INPP4B: variants seen among roughly 807,000 people sequenced by gnomAD.
The protein encoded by INPP4B is inositol polyphosphate 4-phosphatase type II.
Under a neutral mutation model 122.5 loss-of-function variants are expected in INPP4B, and 55 were observed. That is an observed-to-expected ratio of 0.45 (90% CI 0.36 to 0.56). INPP4B has a LOEUF of 0.56. INPP4B is among the 20% of genes least tolerant of loss of function. The pLI is 0.00. For missense variants in INPP4B, 1,000 were observed against 1,097.7 expected, an observed-to-expected ratio of 0.91 and a Z score of 1.26; for synonymous variants, 403 against 388.7, an observed-to-expected ratio of 1.04 and a Z score of -0.43.
At chr4:142,265,181 T>C (rs529214280) in intron 10 of INPP4B, among the ~76,000 whole-genome samples, 3 of 152,188 alleles carry the variant, frequency 2.0e-5, no homozygotes, top group Non-Finnish European at 2.9e-5. Context: ...GTTTAAGCCA[T>C]ACAGTTTATG....
intron 5 of INPP4B, among the ~76,000 whole-genome samples, chr4:142,417,916 T>C (rs1806108334): frequency 6.6e-6 from 1 of 152,156 alleles, no homozygotes; most frequent in Admixed American, 6.6e-5. Context: ...TTCAGTTGTC[T>C]GTTCTTGTTG....
chr4:142,682,633 G>C (rs770043905), intron 2 of INPP4B, among the ~76,000 whole-genome samples: 3 of 151,832 alleles, frequency 2.0e-5, no homozygotes, highest in Non-Finnish European at 4.4e-5. Context: ...TGCATGAAAG[G>C]TTTTCTCTAT....
At chr4:142,175,923 C>A (rs1318843213) in intron 15 of INPP4B, among the ~76,000 whole-genome samples, 1 of 152,026 alleles carries the variant, frequency 6.6e-6, no homozygotes, top group Non-Finnish European at 1.5e-5. Context: ...GACCTACTTA[C>A]AGACCCAATG....
chr4:142,502,583 G>A (rs748019915), intron 2 of INPP4B, among the ~76,000 whole-genome samples: 1 of 151,992 alleles, frequency 6.6e-6, no homozygotes, highest in Non-Finnish European at 1.5e-5. Context: ...CCATCTCCTG[G>A]GTTCAAGAGA....
intron 9 of INPP4B, among the ~76,000 whole-genome samples, chr4:142,289,245 T>G (rs1469562611): frequency 2.0e-5 from 3 of 152,222 alleles, no homozygotes; most frequent in African/African-American, 7.2e-5. Context: ...TGACTGTAAT[T>G]TAAAATACTT....
intron 2 of INPP4B, among the ~76,000 whole-genome samples, chr4:142,494,414 CAA>C (rs1822267397): frequency 6.6e-6 from 1 of 151,852 alleles, no homozygotes; most frequent in Non-Finnish European, 1.5e-5. Flanking sequence ...TTAAATTTAC[CAA>C]GAGAGATTTA....
chr4:142,716,504 T>C (rs1275860066), intron 2 of INPP4B, among the ~76,000 whole-genome samples: 1 of 152,188 alleles, frequency 6.6e-6, no homozygotes, highest in East Asian at 1.9e-4. Context: ...AACAAAAAAT[T>C]ACTGGCTGCC....
chr4:142,609,384 G>C (rs1435400874), intron 2 of INPP4B, among the ~76,000 whole-genome samples: 1 of 151,822 alleles, frequency 6.6e-6, no homozygotes, highest in African/African-American at 2.4e-5. Context: ...GAGGTTTTAA[G>C]TATGTGATTC....
At chr4:142,356,573 T>C (rs1783681898) in intron 7 of INPP4B, among the ~76,000 whole-genome samples, 1 of 151,862 alleles carries the variant, frequency 6.6e-6, no homozygotes, top group Non-Finnish European at 1.5e-5. Flanking sequence ...GTTTCAGTTG[T>C]GAAGTAGTAC....
intron 2 of INPP4B, among the ~76,000 whole-genome samples, chr4:142,722,709 TGGGA>T (rs935906325): frequency 6.6e-6 from 1 of 152,190 alleles, no homozygotes; most frequent in Non-Finnish European, 1.5e-5. Context: ...AAATACTCAT[TGGGA>T]GCATACTGTG....
chr4:142,520,065 T>C lies in INPP4B; in HGVS notation c.-190-57339A>G, dbSNP rs114027549. ...AAACAATATTAAAGGTATTAAATTATATTACAATAAGATTTCAACTCTATA... is the reference window on the plus strand; with the variant it reads ...AAACAATATTAAAGGTATTAAATTACATTACAATAAGATTTCAACTCTATA... On this transcript the variant is annotated intron_variant, in intron 2 of 25. Coordinates refer to ENST00000262992, the MANE Select transcript of INPP4B (RefSeq NM_001101669.3). 6.7e-3 allele frequency among the ~76,000 whole-genome samples: 1,021 copies of C among 152,196 alleles called. 9 individuals are homozygous for C. The highest frequency in any genetic ancestry group is 0.023 in the African/African-American group (964 of 41,580).
intron 3 of INPP4B, among the ~76,000 whole-genome samples, chr4:142,431,587 T>G (rs943575326): frequency 6.6e-6 from 1 of 152,112 alleles, no homozygotes; most frequent in African/African-American, 2.4e-5. Context: ...TATTACATAG[T>G]CATATGAAAG....
At chr4:142,739,674 A>G (rs567458995) in intron 1 of INPP4B, among the ~76,000 whole-genome samples, 47 of 152,016 alleles carry the variant, frequency 3.1e-4, no homozygotes, top group Admixed American at 2.2e-3. Flanking sequence ...CCTAGAAAAG[A>G]CATCAATGAT....
intron 2 of INPP4B, among the ~76,000 whole-genome samples, chr4:142,666,316 G>A (rs551148341): frequency 1.3e-5 from 2 of 152,034 alleles, no homozygotes; most frequent in South Asian, 4.1e-4. Context: ...ATTTCATAAA[G>A]TTTTAAAAAC....
chr4:142,263,462 G>A (rs1741095306), intron 10 of INPP4B, among the ~76,000 whole-genome samples: 1 of 151,402 alleles, frequency 6.6e-6, no homozygotes, highest in Non-Finnish European at 1.5e-5. Flanking sequence ...TCTTCTATGA[G>A]ATAATTTTTA....
chr4:142,092,488 G>A (rs2322308), intron 23 of INPP4B, among the ~76,000 whole-genome samples: 37,980 of 151,694 alleles, frequency 0.25, 4,780 homozygotes, highest in East Asian at 0.3. Context: ...TGCGGGTTTC[G>A]CCATGTTGGC....
At chr4:142,378,536 AGGGAAGGCAGAAT>A (rs1415579345) in intron 7 of INPP4B, among the ~76,000 whole-genome samples, 1 of 152,178 alleles carries the variant, frequency 6.6e-6, no homozygotes, top group Non-Finnish European at 1.5e-5. Flanking sequence ...CATGTATGCT[AGGGAAGGCAGAAT>A]GGGAAGGCAA....
Position 142,604,446 on chromosome 4 carries a change from C to G in INPP4B, c.-191+121393G>C, listed in dbSNP as rs79442970. ...AAGAGGAAGTTAAATTTGTCTCTTTCCAGATGACATGATCTTATATTTAGA... is the reference window on the plus strand; with the variant it reads ...AAGAGGAAGTTAAATTTGTCTCTTTGCAGATGACATGATCTTATATTTAGA... On this transcript the variant is annotated intron_variant, in intron 2 of 25. Transcript: ENST00000262992. Among the ~76,000 whole-genome samples the G allele has an allele frequency of 8.2e-3, 1,254 of 152,050 alleles. 10 individuals are homozygous for G. Among genetic ancestry groups the G allele is most frequent in the Non-Finnish European group, 0.013 (907 of 67,924 alleles).
At chr4:142,777,133 G>A (rs1774043450) in intron 1 of INPP4B, among the ~76,000 whole-genome samples, 2 of 152,050 alleles carry the variant, frequency 1.3e-5, no homozygotes, top group African/African-American at 2.4e-5. Context: ...TACAACTATG[G>A]ACTTTTATAT....
Sources: gnomAD v4.1 joint callset for allele counts (sites outside exome capture counted in the v4.1 genomes callset) on GRCh38, gnomAD v4.1.1 for gene constraint, MANE v1.5 for transcripts, NCBI Gene and HGNC (gene_info 2026-07-23, HGNC 2026-07-21) for gene names.